Variants in ILRUN observed in about 807,000 individuals in gnomAD.
ILRUN encodes inflammation and lipid regulator with UBA-like and NBR1-like domains.
ILRUN carries 3 observed loss-of-function variants against 33.8 expected under a neutral mutation model. The observed-to-expected ratio is 0.09, with a 90% CI of 0.04 to 0.23. The LOEUF is 0.23. ILRUN is among the 10% of genes least tolerant of loss of function. The pLI is 1.00. For missense variants in ILRUN, 210 were observed against 375.1 expected (o/e 0.56, Z 3.64); for synonymous variants, 124 against 138.9 (o/e 0.89, Z 0.75).
chr6:34,665,193 C>T (rs539725936), intron 1 of ILRUN, among the ~76,000 whole-genome samples: 6 of 149,608 alleles, frequency 4.0e-5, no homozygotes, highest in Non-Finnish European at 5.9e-5. Context: ...GGTAGCTCAC[C>T]GCCTATAATC....
intron 1 of ILRUN, among the ~76,000 whole-genome samples, chr6:34,656,417 A>G (rs1462204499): frequency 1.3e-5 from 2 of 152,184 alleles, no homozygotes; most frequent in Non-Finnish European, 2.9e-5. Context: ...TATCAGTGCC[A>G]GAAACCAAGG....
intron 2 of ILRUN, among the ~76,000 whole-genome samples, chr6:34,647,412 T>C (rs919833406): frequency 6.6e-6 from 1 of 151,988 alleles, no homozygotes; most frequent in Admixed American, 6.6e-5. Flanking sequence ...GTAGTGAAAA[T>C]ATAAACAATG....
At chr6:34,618,582 G>A (rs1242486836) in intron 3 of ILRUN, among the ~76,000 whole-genome samples, 1 of 152,164 alleles carries the variant, frequency 6.6e-6, no homozygotes, top group African/African-American at 2.4e-5. Flanking sequence ...CCTGTTCCAT[G>A]GCATTCCACA....
intron 3 of ILRUN, among the ~76,000 whole-genome samples, chr6:34,611,068 C>T (rs1264983323): frequency 6.7e-6 from 1 of 149,848 alleles, no homozygotes; most frequent in Non-Finnish European, 1.5e-5. Flanking sequence ...CCTCTCCTTC[C>T]CTCTCCTTTC....
chr6:34,622,483 G>A (rs1264664832), intron 3 of ILRUN, among the ~76,000 whole-genome samples: 1 of 151,842 alleles, frequency 6.6e-6, no homozygotes, highest in Non-Finnish European at 1.5e-5. Flanking sequence ...AATCACCGGG[G>A]AAATGCAAAT....
At chr6:34,644,233 TTTTTTA>T (rs1762525582) in intron 3 of ILRUN, among the ~76,000 whole-genome samples, 3 of 152,206 alleles carry the variant, frequency 2.0e-5, no homozygotes, top group Middle Eastern at 3.2e-3. Context: ...AAAGGGATTT[TTTTTTA>T]TTTTTAAGTC....
intron 3 of ILRUN, among the ~76,000 whole-genome samples, chr6:34,641,523 G>A (rs1762475550): frequency 6.6e-6 from 1 of 152,160 alleles, no homozygotes; most frequent in Admixed American, 6.5e-5. Flanking sequence ...CACAAGGGCT[G>A]GAAAACATAA....
At position 34,681,845 on chromosome 6, in the gene ILRUN, ATTTTTTTTTTT is replaced by A. The variant is rs1168522578; in HGVS notation, c.158+14590_158+14600del. The stretch of plus-strand genomic sequence containing the variant: ...TCAAATGACCAAAGTCCACCACTAC[ATTTTTTTTTTT>A]TTTTTTTTTTTTTTGAGACAGAGCC... On this transcript the variant is annotated intron_variant, in intron 1 of 4. Coordinates refer to ENST00000374023, the MANE Select transcript of ILRUN (RefSeq NM_024294.4). 7.0e-5 allele frequency among the ~76,000 whole-genome samples: 6 copies of A among 85,406 alleles called. No individual in the cohort carries two copies. In the South Asian group the frequency reaches 1.7e-3, roughly 24 times the overall value. The allele number at this position is 85,406 out of a possible 152,430, so 56.0% of individuals were successfully genotyped here.
chr6:34,685,748 G>C (rs1008839113), intron 1 of ILRUN: 2 of 152,010 alleles, frequency 1.3e-5, no homozygotes, highest in African/African-American at 4.8e-5. Flanking sequence ...CCAACTTTTA[G>C]TGATGGCTGA....
chr6:34,638,989 C>CTTT (rs1231496023), intron 3 of ILRUN, among the ~76,000 whole-genome samples: 3 of 152,194 alleles, frequency 2.0e-5, no homozygotes. Flanking sequence ...ACCATAGCTT[C>CTTT]TTTTGTAACA....
chr6:34,685,842 G>A (rs1253493871), intron 1 of ILRUN, among the ~76,000 whole-genome samples: 1 of 152,054 alleles, frequency 6.6e-6, no homozygotes, highest in Non-Finnish European at 1.5e-5. Flanking sequence ...GCAGAAACAT[G>A]ATCAAAATTA....
At chr6:34,695,858 C>T (rs1333683397) in intron 1 of ILRUN, among the ~76,000 whole-genome samples, 1 of 141,878 alleles carries the variant, frequency 7.0e-6, no homozygotes, top group Non-Finnish European at 1.5e-5. Flanking sequence ...CCCTTGTCTT[C>T]CCCCATAATA....
At chr6:34,611,726 C>T (rs1330550206) in intron 3 of ILRUN, among the ~76,000 whole-genome samples, 1 of 152,070 alleles carries the variant, frequency 6.6e-6, no homozygotes, top group East Asian at 1.9e-4. Context: ...TGGAAGAGAT[C>T]ATCCAATGAA....
In ILRUN at chr6:34,587,481, A is replaced by G. The variant is rs1761216432; in HGVS notation, c.*3084T>C. ...CTGCATTCACCCAAGGAAACAAAGG[A>G]AAGGTGCGGCGAGGCAGGGTGGGGT... On this transcript the variant is annotated 3_prime_UTR_variant, in exon 5 of 5. Coordinates refer to ENST00000374023, the MANE Select transcript of ILRUN (RefSeq NM_024294.4). 2 of 152,714 alleles carry G rather than the reference A, an allele frequency of 1.3e-5. No homozygotes were observed. 9.5% of individuals were successfully genotyped at this position (152,714 alleles called of 1,614,324 possible).
chr6:34,687,131 T>G, intron 1 of ILRUN: 1 of 154,342 alleles, frequency 6.5e-6, no homozygotes, highest in South Asian at 2.0e-4. Flanking sequence ...TATTTTATTA[T>G]GAAGACAATA....
chr6:34,666,918 T>C (rs1763018576), intron 1 of ILRUN, among the ~76,000 whole-genome samples: 1 of 152,324 alleles, frequency 6.6e-6, no homozygotes, highest in South Asian at 2.1e-4. Context: ...TGGCATTTCT[T>C]ATGCATTCCA....
intron 2 of ILRUN, among the ~76,000 whole-genome samples, chr6:34,654,422 C>T (rs567285913): frequency 6.6e-6 from 1 of 152,290 alleles, no homozygotes; most frequent in East Asian, 1.9e-4. Flanking sequence ...AAGCATGAGA[C>T]ATAAATTCTT....
At chr6:34,611,709 C>T (rs1161169235) in intron 3 of ILRUN, among the ~76,000 whole-genome samples, 1 of 151,956 alleles carries the variant, frequency 6.6e-6, no homozygotes, top group Non-Finnish European at 1.5e-5. Context: ...TATAATAAAA[C>T]CACAAGTGGA....
chr6:34,616,103 C>T (rs1761886986), intron 3 of ILRUN, among the ~76,000 whole-genome samples: 1 of 152,198 alleles, frequency 6.6e-6, no homozygotes, highest in African/African-American at 2.4e-5. Context: ...GGACACCTCC[C>T]AGTGGTTAAA....
Sources: allele counts gnomAD v4.1 joint callset (sites outside exome capture counted in the v4.1 genomes callset), GRCh38; gene constraint gnomAD v4.1.1; transcripts MANE v1.5; gene names NCBI Gene and HGNC (gene_info 2026-07-23, HGNC 2026-07-21).